EPHA6: variants seen among roughly 807,000 people sequenced by gnomAD.
The protein encoded by EPHA6 is ephrin type-A receptor 6.
Under a neutral mutation model 112.0 loss-of-function variants are expected in EPHA6, and 50 were observed. The ratio of observed to expected loss-of-function variants is 0.45; its 90% CI spans 0.36 to 0.56. EPHA6 has a LOEUF of 0.56. EPHA6 is among the 20% of genes least tolerant of loss of function. The pLI is 0.00. For missense variants in EPHA6, 1,280 were observed against 1,417.4 expected, an observed-to-expected ratio of 0.90 and a Z score of 1.56; for synonymous variants, 529 against 490.7, an observed-to-expected ratio of 1.08 and a Z score of -1.03.
intron 5 of EPHA6, among the ~76,000 whole-genome samples, chr3:97,312,321 T>A (rs1320864522): frequency 6.6e-6 from 1 of 151,578 alleles, no homozygotes; most frequent in Non-Finnish European, 1.5e-5. Flanking sequence ...AGAGAACAGA[T>A]GTAGTGATAG....
intron 4 of EPHA6, among the ~76,000 whole-genome samples, chr3:97,241,225 G>C (rs960018502): frequency 6.6e-6 from 1 of 151,466 alleles, no homozygotes; most frequent in Non-Finnish European, 1.5e-5. Flanking sequence ...ATAACTAATA[G>C]AAATTAAGTT....
intron 8 of EPHA6, among the ~76,000 whole-genome samples, chr3:97,476,189 G>C (rs2091365056): frequency 6.6e-6 from 1 of 151,984 alleles, no homozygotes; most frequent in Admixed American, 6.6e-5. Flanking sequence ...TTTAATCCAT[G>C]GTATTTGGCC....
At chr3:97,118,538 A>G (rs959898005) in intron 3 of EPHA6, among the ~76,000 whole-genome samples, 2 of 151,810 alleles carry the variant, frequency 1.3e-5, no homozygotes, top group African/African-American at 4.8e-5. Flanking sequence ...TCTCTTGCCT[A>G]GTCTTAACAC....
At chr3:97,386,228 A>G (rs1050118851) in intron 5 of EPHA6, among the ~76,000 whole-genome samples, 12 of 152,126 alleles carry the variant, frequency 7.9e-5, no homozygotes, top group East Asian at 5.8e-4. Context: ...ATTAAACCTT[A>G]GTTACTTTCA....
rs1279844321 is a variant in EPHA6, at chr3:97,759,592, G to A, written c.*10891G>A. 8.7e-6 allele frequency: 2 copies of A among 230,972 alleles called. No homozygotes were observed. Among genetic ancestry groups the A allele is most frequent in the African/African-American group, 2.2e-5 (1 of 45,244 alleles). 14.3% of individuals were successfully genotyped at this position (230,972 alleles called of 1,614,324 possible). ...TTGCGATTTAAAGCATAAGTAGGGA[G>A]GTTAATTTTTGATAGGTGCCGGAAT... On this transcript the variant is annotated 3_prime_UTR_variant, in exon 18 of 18. Coordinates refer to ENST00000389672, the MANE Select transcript of EPHA6 (RefSeq NM_001080448.3).
At chr3:97,211,825 G>C (rs1296514224) in intron 3 of EPHA6, among the ~76,000 whole-genome samples, 1 of 152,100 alleles carries the variant, frequency 6.6e-6, no homozygotes, top group East Asian at 1.9e-4. Flanking sequence ...TAAAGAAACA[G>C]AACTCAAACC....
intron 14 of EPHA6, among the ~76,000 whole-genome samples, chr3:97,718,744 C>T (rs1436033409): frequency 6.6e-6 from 1 of 152,136 alleles, no homozygotes; most frequent in African/African-American, 2.4e-5. Flanking sequence ...TGCCCCAATG[C>T]ATGAAAACCT....
chr3:97,639,825 G>A (rs2093985178), intron 14 of EPHA6, among the ~76,000 whole-genome samples: 1 of 152,092 alleles, frequency 6.6e-6, no homozygotes, highest in Admixed American at 6.6e-5. Flanking sequence ...GACTTAAATA[G>A]CAAATTAGGT....
chr3:97,358,649 A>T (rs1186334326), intron 5 of EPHA6, among the ~76,000 whole-genome samples: 2 of 149,754 alleles, frequency 1.3e-5, no homozygotes, highest in African/African-American at 4.9e-5. Context: ...TTTTATTGAG[A>T]TTTTTTTTTT....
intron 5 of EPHA6, among the ~76,000 whole-genome samples, chr3:97,393,978 G>C (rs1004882780): frequency 2.6e-5 from 4 of 151,690 alleles, no homozygotes; most frequent in African/African-American, 9.7e-5. Context: ...TTTATTGATG[G>C]ACAGTCAGGT....
At chr3:97,536,843 T>A (rs1264664232) in intron 11 of EPHA6, among the ~76,000 whole-genome samples, 2 of 152,148 alleles carry the variant, frequency 1.3e-5, no homozygotes, top group African/African-American at 4.8e-5. Flanking sequence ...CTTTGGGCCT[T>A]AATTTTCACC....
chr3:97,607,833 T>A (rs539568874), intron 12 of EPHA6, among the ~76,000 whole-genome samples: 16 of 151,242 alleles, frequency 1.1e-4, no homozygotes, highest in Non-Finnish European at 1.9e-4. Context: ...CCAATATATC[T>A]TCCAAGAGCA....
At position 97,591,019 on chromosome 3, in the gene EPHA6, G is replaced by A. The variant is rs539740543; in HGVS notation, c.2387-1593G>A. On this transcript the variant is annotated intron_variant, in intron 11 of 17. Transcript: ENST00000389672. ...GCACTACTCCTTGTAAGTTACCTCG[G>A]AGTACTTTCTGACTTACCACTTGGC... is the stretch of plus-strand genomic sequence containing the variant. 1.1e-3 allele frequency among the ~76,000 whole-genome samples: 169 copies of A among 152,194 alleles called. 1 individual carries two copies. Among genetic ancestry groups the A allele is most frequent in the Non-Finnish European group, 1.8e-3 (119 of 68,000 alleles).
At chr3:97,146,395 C>G (rs1403487234) in intron 3 of EPHA6, among the ~76,000 whole-genome samples, 1 of 151,826 alleles carries the variant, frequency 6.6e-6, no homozygotes, top group Non-Finnish European at 1.5e-5. Context: ...TTCCAATACT[C>G]TCTGTATGAT....
chr3:97,338,376 T>G (rs923269240), intron 5 of EPHA6, among the ~76,000 whole-genome samples: 4 of 152,110 alleles, frequency 2.6e-5, no homozygotes, highest in African/African-American at 9.7e-5. Flanking sequence ...GTCCTTGAAA[T>G]GCATCCTTAA....
intron 3 of EPHA6, among the ~76,000 whole-genome samples, chr3:97,212,893 A>G (rs1440649455): frequency 2.0e-5 from 3 of 152,166 alleles, no homozygotes; most frequent in African/African-American, 2.4e-5. Flanking sequence ...TTCATGTGTC[A>G]AAATAGCCAC....
In EPHA6 at chr3:97,244,038, G is replaced by A. The variant is rs777388224; in HGVS notation, c.1357G>A (p.Gly453Arg). The change falls in exon 5 of 18, where the codon GGG becomes AGG. Residue 453 changes from glycine to arginine, a missense_variant. Transcript: ENST00000389672. Reference protein sequence around the residue: ...LEWSPPSDTGGRKDLTYSVIC... With the variant: ...LEWSPPSDTGRRKDLTYSVIC... ...ATGGAGCCCACCAAGTGACACAGGA[G>A]GGAGAAAAGATCTCACATACAGTGT... 5 of 1,612,524 alleles carry A rather than the reference G, an allele frequency of 3.1e-6. No individual in the cohort carries two copies. The highest frequency in any genetic ancestry group is 4.2e-6 in the Non-Finnish European group (5 of 1,179,198).
intron 11 of EPHA6, among the ~76,000 whole-genome samples, chr3:97,591,350 A>G (rs1265237451): frequency 6.6e-6 from 1 of 152,190 alleles, no homozygotes; most frequent in African/African-American, 2.4e-5. Flanking sequence ...CCCAAGTTCA[A>G]AGAAGCCTCA....
chr3:97,233,974 TTTCTCA>T (rs527843723), intron 4 of EPHA6, among the ~76,000 whole-genome samples: 83 of 152,288 alleles, frequency 5.5e-4, no homozygotes, highest in African/African-American at 1.9e-3. Context: ...CCTTAGTGAT[TTTCTCA>T]AAACAACAGC....
Sources: gnomAD v4.1 joint callset for allele counts (sites outside exome capture counted in the v4.1 genomes callset) on GRCh38, gnomAD v4.1.1 for gene constraint, MANE v1.5 for transcripts, NCBI Gene and HGNC (gene_info 2026-07-23, HGNC 2026-07-21) for gene names.